Variants in MEIS1 observed in about 807,000 individuals in gnomAD.
The protein encoded by MEIS1 is homeobox protein Meis1.
MEIS1 carries 5 observed loss-of-function variants against 50.8 expected under a neutral mutation model. That is an observed-to-expected ratio of 0.10 (90% CI 0.05 to 0.21). The LOEUF (loss-of-function observed/expected upper bound fraction) is 0.21. Ranked by LOEUF, MEIS1 falls within the 10% of genes least tolerant of loss-of-function variation. The pLI is 1.00. For missense variants in MEIS1, 318 were observed against 517.3 expected, an observed-to-expected ratio of 0.61 and a Z score of 3.74; for synonymous variants, 176 against 179.3, an observed-to-expected ratio of 0.98 and a Z score of 0.15.
chr2:66,542,475 T>G (rs949204216), intron 8 of MEIS1, among the ~76,000 whole-genome samples: 2 of 116,888 alleles, frequency 1.7e-5, no homozygotes, highest in Admixed American at 1.7e-4. Flanking sequence ...ATAAGGCTTA[T>G]ATTGGACAGT....
chr2:66,436,797 T>C (rs2103669129), intron 1 of MEIS1: 1 of 826,302 alleles, frequency 1.2e-6, no homozygotes, highest in African/African-American at 1.8e-5. Context: ...AATAACTGCC[T>C]GGAATGAACC....
intron 8 of MEIS1, 28 bp from the exon 9 acceptor site, chr2:66,547,915 C>T (rs1674829897): frequency 1.9e-6 from 3 of 1,609,910 alleles, no homozygotes; most frequent in Admixed American, 1.7e-5. Flanking sequence ...TTGCCTGATG[C>T]ACACGTATCT....
intron 8 of MEIS1, among the ~76,000 whole-genome samples, chr2:66,513,844 A>G (rs1052322356): frequency 3.3e-5 from 5 of 152,160 alleles, no homozygotes; most frequent in Non-Finnish European, 5.9e-5. Flanking sequence ...ACTCCTGCAA[A>G]TTCCCCACTG....
At chr2:66,539,388 T>A (rs1040970962) in intron 8 of MEIS1, among the ~76,000 whole-genome samples, 3 of 152,182 alleles carry the variant, frequency 2.0e-5, no homozygotes, top group Non-Finnish European at 2.9e-5. Flanking sequence ...ATATAACAAG[T>A]AATAATCATC....
intron 8 of MEIS1, among the ~76,000 whole-genome samples, chr2:66,542,089 G>T (rs1369482038): frequency 6.6e-6 from 1 of 152,174 alleles, no homozygotes; most frequent in African/African-American, 2.4e-5. Context: ...AGTGGGAGAA[G>T]TTTTATAGGC....
intron 9 of MEIS1, among the ~76,000 whole-genome samples, chr2:66,558,250 G>C (rs1423714310): frequency 5.4e-5 from 6 of 111,362 alleles, no homozygotes. Context: ...CTGCACTCCA[G>C]CATGGGCAAC....
chr2:66,450,708 C>G, intron 6 of MEIS1, among the ~76,000 whole-genome samples: 1 of 152,092 alleles, frequency 6.6e-6, no homozygotes, highest in East Asian at 1.9e-4. Flanking sequence ...ATTAGAATTA[C>G]TCTAATATCA....
chr2:66,499,038 A>T (rs1054122775), intron 7 of MEIS1, among the ~76,000 whole-genome samples: 4 of 152,332 alleles, frequency 2.6e-5, no homozygotes, highest in African/African-American at 9.6e-5. Context: ...TACGTCCCTG[A>T]CTAACCGAGT....
chr2:66,520,371 C>G (rs1205764340), intron 8 of MEIS1, among the ~76,000 whole-genome samples: 1 of 145,736 alleles, frequency 6.9e-6, no homozygotes, highest in Non-Finnish European at 1.5e-5. Context: ...GTCCCAGCTA[C>G]TCAGGAGGCT....
chr2:66,547,709 A>T (rs1345306794), intron 8 of MEIS1, among the ~76,000 whole-genome samples: 1 of 152,212 alleles, frequency 6.6e-6, no homozygotes, highest in Admixed American at 6.5e-5. Context: ...GTTAAAGGAT[A>T]AACTCAGTGT....
intron 8 of MEIS1, among the ~76,000 whole-genome samples, chr2:66,525,293 G>T (rs1009944183): frequency 1.3e-5 from 2 of 152,094 alleles, no homozygotes; most frequent in Non-Finnish European, 2.9e-5. Flanking sequence ...AAATTATCTG[G>T]ATCTTTTTAA....
intron 9 of MEIS1, among the ~76,000 whole-genome samples, chr2:66,556,854 G>A (rs2103951114): frequency 8.5e-6 from 1 of 117,614 alleles, no homozygotes; most frequent in Admixed American, 1.3e-4. Context: ...TGACAATACT[G>A]TTTACAGAAA....
chr2:66,448,451 C>T (rs952631487), intron 6 of MEIS1, among the ~76,000 whole-genome samples: 2 of 152,212 alleles, frequency 1.3e-5, no homozygotes, highest in African/African-American at 4.8e-5. Flanking sequence ...ACCATGAGGC[C>T]TACTGTCCTA....
chr2:66,534,841 T>G (rs929523968), intron 8 of MEIS1, among the ~76,000 whole-genome samples: 1 of 152,228 alleles, frequency 6.6e-6, no homozygotes, highest in Non-Finnish European at 1.5e-5. Context: ...ATAAGGACAT[T>G]TCTTTCCCAA....
At chr2:66,567,824 C>A (rs556953702) in intron 10 of MEIS1, 1 of 568,902 alleles carries the variant, frequency 1.8e-6, no homozygotes, top group African/African-American at 1.9e-5. Flanking sequence ...CCAGCTCTTT[C>A]TGCTACTATG....
chr2:66,548,547 G>A lies in MEIS1; in HGVS notation c.965+528G>A, dbSNP rs182383777. ...GGCTATTCCAAACCTGAGGCATCTC[G>A]TGGCTGTGCAATACTGTTTCTAAAT... On this transcript the variant is annotated intron_variant, in intron 9 of 12. Coordinates refer to ENST00000272369, the MANE Select transcript of MEIS1 (RefSeq NM_002398.3). Among the ~76,000 whole-genome samples, 12 of 152,220 alleles carry A rather than the reference G, an allele frequency of 7.9e-5. No homozygotes were observed. The East Asian group carries it at 1.4e-3, about 17-fold the overall frequency.
At chr2:66,438,384 G>C (rs1005981956) in intron 2 of MEIS1, among the ~76,000 whole-genome samples, 7 of 152,184 alleles carry the variant, frequency 4.6e-5, no homozygotes, top group Non-Finnish European at 7.3e-5. Context: ...TGATTGTTCT[G>C]ACTTGCTGAG....
chr2:66,500,645 G>C (rs903116383), intron 7 of MEIS1, among the ~76,000 whole-genome samples: 22 of 152,016 alleles, frequency 1.4e-4, no homozygotes, highest in Non-Finnish European at 2.6e-4. Flanking sequence ...GGCTGGTCTA[G>C]AACTCCTGAC....
intron 6 of MEIS1, chr2:66,445,403 AC>A (rs1672107253): frequency 6.6e-6 from 1 of 152,404 alleles, no homozygotes; most frequent in Non-Finnish European, 1.5e-5. Flanking sequence ...CGAATGAAGC[AC>A]CAGGGCGCCT....
Sources: gnomAD v4.1 joint callset for allele counts (sites outside exome capture counted in the v4.1 genomes callset) on GRCh38, gnomAD v4.1.1 for gene constraint, MANE v1.5 for transcripts, NCBI Gene and HGNC (gene_info 2026-07-23, HGNC 2026-07-21) for gene names.